Variants in ZNG1A observed in about 807,000 individuals in gnomAD.
The protein encoded by ZNG1A is Zn regulated GTPase metalloprotein activator 1A, also known as zinc-regulated GTPase metalloprotein activator 1A.
chr9:159,828 C>G, the ZNG1A span, among the ~76,000 whole-genome samples: 3 of 152,010 alleles, frequency 2.0e-5, no homozygotes, highest in Admixed American at 6.6e-5. Flanking sequence ...GGAACTATTT[C>G]TTTTAAATGG....
At chr9:135,789 G>C in the ZNG1A span, among the ~76,000 whole-genome samples, 1 of 115,078 alleles carries the variant, frequency 8.7e-6, no homozygotes, top group South Asian at 3.6e-4. Context: ...GGAACTATTG[G>C]AGGGAATGAG....
the ZNG1A span, among the ~76,000 whole-genome samples, chr9:144,698 G>A: frequency 6.6e-6 from 1 of 151,738 alleles, no homozygotes; most frequent in South Asian, 2.1e-4. Flanking sequence ...TGACAGATGG[G>A]ATCTAATTAA....
chr9:141,502 G>A, the ZNG1A span, among the ~76,000 whole-genome samples: 2 of 149,394 alleles, frequency 1.3e-5, no homozygotes, highest in Non-Finnish European at 3.0e-5. Flanking sequence ...GAGAGATTTT[G>A]TCACCACCAG....
At chr9:177,617 G>C in the ZNG1A span, 3 of 1,518,116 alleles carry the variant, frequency 2.0e-6, no homozygotes, top group Middle Eastern at 2.4e-4. Flanking sequence ...AGGGAAAATG[G>C]TCAGGGATAG....
chr9:121,437 C>T, the ZNG1A span: 16 of 1,577,870 alleles, frequency 1.0e-5, no homozygotes, highest in Non-Finnish European at 1.4e-5. Context: ...TTTTATTATC[C>T]AATCCTTTTG....
At chr9:177,573 A>C in the ZNG1A span, 1 of 1,414,524 alleles carries the variant, frequency 7.1e-7, no homozygotes, top group Non-Finnish European at 9.6e-7. Context: ...CAGAAGAAAA[A>C]TGTAGTAGAA....
the ZNG1A span, among the ~76,000 whole-genome samples, chr9:129,208 AAGGAAC>A: frequency 6.6e-5 from 10 of 152,116 alleles, no homozygotes; most frequent in African/African-American, 2.4e-4. Flanking sequence ...GTAGTATGGA[AAGGAAC>A]AGGTGATGTG....
chr9:157,753 T>C, the ZNG1A span, among the ~76,000 whole-genome samples: 1 of 146,534 alleles, frequency 6.8e-6, no homozygotes. Flanking sequence ...TGTACAATGC[T>C]ACACAAATGT....
chr9:164,867 T>C, the ZNG1A span, among the ~76,000 whole-genome samples: 3 of 151,986 alleles, frequency 2.0e-5, no homozygotes. Context: ...CAAGATGTGG[T>C]CCCCCAAGCA....
At chr9:160,746 AAAAC>A in the ZNG1A span, among the ~76,000 whole-genome samples, 1 of 144,130 alleles carries the variant, frequency 6.9e-6, no homozygotes, top group South Asian at 2.3e-4. Context: ...AAATAAAAAA[AAAAC>A]AAAATGTCTT....
chr9:140,073 G>A, the ZNG1A span, among the ~76,000 whole-genome samples: 2 of 150,808 alleles, frequency 1.3e-5, no homozygotes, highest in Non-Finnish European at 2.9e-5. Flanking sequence ...CAAGGCGGCA[G>A]CGAGGCTCGG....
chr9:176,129 T>C, the ZNG1A span, among the ~76,000 whole-genome samples: 24 of 144,276 alleles, frequency 1.7e-4, 1 homozygote, highest in African/African-American at 5.8e-4. Flanking sequence ...ATATGGCTAC[T>C]TATAGTATGC....
the ZNG1A span, among the ~76,000 whole-genome samples, chr9:163,144 T>G: frequency 6.6e-6 from 1 of 152,120 alleles, no homozygotes; most frequent in Non-Finnish European, 1.5e-5. Context: ...TAATGATTAT[T>G]ACTTTTGAAA....
chr9:160,405 G>C, the ZNG1A span, among the ~76,000 whole-genome samples: 2 of 151,980 alleles, frequency 1.3e-5, no homozygotes, highest in African/African-American at 4.8e-5. Flanking sequence ...CAGAGGAATT[G>C]GACAAGTTGG....
chr9:178,377 G>A, the ZNG1A span, among the ~76,000 whole-genome samples: 1 of 151,606 alleles, frequency 6.6e-6, no homozygotes, highest in Non-Finnish European at 1.5e-5. Flanking sequence ...GGAATCTACT[G>A]ACGAAAGCCC....
chr9:169,737 T>C, the ZNG1A span, among the ~76,000 whole-genome samples: 3 of 150,744 alleles, frequency 2.0e-5, no homozygotes, highest in East Asian at 1.9e-4. Flanking sequence ...TATGACTTGC[T>C]GAAAGCTGAG....
the ZNG1A span, chr9:167,082 T>A: frequency 3.4e-5 from 5 of 147,738 alleles, no homozygotes; most frequent in African/African-American, 7.5e-5. Flanking sequence ...AGAAGAAAAC[T>A]CTCAGGCATT....
the ZNG1A span, among the ~76,000 whole-genome samples, chr9:165,323 T>C: frequency 1.3e-5 from 2 of 151,358 alleles, no homozygotes; most frequent in African/African-American, 4.9e-5. Flanking sequence ...TAAAAATTCA[T>C]TGATTTTTAT....
At chr9:121,575 T>G in the ZNG1A span, 1 of 1,606,028 alleles carries the variant, frequency 6.2e-7, no homozygotes, top group African/African-American at 1.3e-5. Context: ...AATTTCTGCC[T>G]GCAAACAAAA....
Sources: gnomAD v4.1 joint callset for allele counts (sites outside exome capture counted in the v4.1 genomes callset) on GRCh38, gnomAD v4.1.1 for gene constraint, MANE v1.5 for transcripts, NCBI Gene and HGNC (gene_info 2026-07-23, HGNC 2026-07-21) for gene names.